COL24A1: variants seen among roughly 807,000 people sequenced by gnomAD.
COL24A1 encodes collagen type XXIV alpha 1 chain, also known as collagen alpha-1(XXIV) chain.
A neutral mutation model predicts 253.9 loss-of-function variants in COL24A1; 224 were observed. The ratio of observed to expected loss-of-function variants is 0.88; its 90% CI spans 0.79 to 0.99. The LOEUF is 0.99. COL24A1 is among the 50% of genes least tolerant of loss of function. The probability of loss-of-function intolerance (pLI) is 0.00; values close to 1 mark genes in which losing one functional copy is unlikely to be tolerated. For missense variants in COL24A1, 2,131 were observed against 2,068.5 expected (o/e 1.03, Z -0.59); for synonymous variants, 685 against 673.7 (o/e 1.02, Z -0.26).
At chr1:86,071,110 A>T (rs111515839) in intron 7 of COL24A1, among the ~76,000 whole-genome samples, 19 of 152,206 alleles carry the variant, frequency 1.2e-4, no homozygotes, top group African/African-American at 4.6e-4. Context: ...TAAGGCATAG[A>T]GTTTTTATCA....
chr1:85,973,684 A>G (rs1692395023), intron 20 of COL24A1, among the ~76,000 whole-genome samples: 1 of 152,182 alleles, frequency 6.6e-6, no homozygotes, highest in African/African-American at 2.4e-5. Context: ...AAAGGGAATG[A>G]GGTCCCCCTA....
chr1:86,081,855 A>T (rs1488661545), intron 7 of COL24A1, among the ~76,000 whole-genome samples: 1 of 152,202 alleles, frequency 6.6e-6, no homozygotes, highest in Non-Finnish European at 1.5e-5. Flanking sequence ...TTGGAACCAG[A>T]CAAAGTAAGG....
intron 7 of COL24A1, among the ~76,000 whole-genome samples, chr1:86,076,555 T>G (rs1272370257): frequency 1.3e-5 from 2 of 152,170 alleles, no homozygotes; most frequent in Non-Finnish European, 2.9e-5. Flanking sequence ...AAATTTCATA[T>G]GGAAACAAAA....
At chr1:86,138,869 G>A (rs546078532) in intron 2 of COL24A1, among the ~76,000 whole-genome samples, 5 of 149,488 alleles carry the variant, frequency 3.3e-5, no homozygotes, top group South Asian at 2.1e-4. Flanking sequence ...ATCTCATCCC[G>A]TCAGAGCCCT....
intron 47 of COL24A1, among the ~76,000 whole-genome samples, chr1:85,805,919 CA>C (rs1243667714): frequency 6.6e-6 from 1 of 151,596 alleles, no homozygotes; most frequent in Non-Finnish European, 1.5e-5. Flanking sequence ...ATTAAAAATA[CA>C]AAAAAATTAG....
At chr1:85,829,440 T>C (rs1674875271) in intron 43 of COL24A1, among the ~76,000 whole-genome samples, 1 of 151,590 alleles carries the variant, frequency 6.6e-6, no homozygotes, top group Non-Finnish European at 1.5e-5. Context: ...TGTGGCGTTC[T>C]CTGTATTTCC....
At chr1:86,148,311 A>C (rs1232746877) in intron 1 of COL24A1, among the ~76,000 whole-genome samples, 1 of 151,880 alleles carries the variant, frequency 6.6e-6, no homozygotes, top group Non-Finnish European at 1.5e-5. Context: ...CAGCCTCCTG[A>C]ATAGCTGGAA....
At chr1:85,903,802 AAT>A (rs1322682903) in intron 28 of COL24A1, among the ~76,000 whole-genome samples, 7 of 152,200 alleles carry the variant, frequency 4.6e-5, no homozygotes, top group Non-Finnish European at 1.0e-4. Context: ...GTGCCTAACT[AAT>A]TAGGCCTAGC....
chr1:86,018,142 G>C (rs1218370623), intron 18 of COL24A1, among the ~76,000 whole-genome samples: 1 of 152,132 alleles, frequency 6.6e-6, no homozygotes, highest in African/African-American at 2.4e-5. Flanking sequence ...GTCATATTAA[G>C]TTTCTATATG....
chr1:86,076,748 T>A (rs1033691209), intron 7 of COL24A1, among the ~76,000 whole-genome samples: 3 of 152,160 alleles, frequency 2.0e-5, no homozygotes, highest in Non-Finnish European at 4.4e-5. Flanking sequence ...GGGGAAAAGA[T>A]TCCCTATTTA....
At chr1:85,898,795 A>G (rs1420173412) in intron 28 of COL24A1, among the ~76,000 whole-genome samples, 2 of 152,226 alleles carry the variant, frequency 1.3e-5, no homozygotes, top group Non-Finnish European at 2.9e-5. Flanking sequence ...GTAGTTAAGT[A>G]TAATGAAGAA....
chr1:86,108,881 G>A (rs891882767), intron 5 of COL24A1, among the ~76,000 whole-genome samples: 1 of 151,826 alleles, frequency 6.6e-6, no homozygotes, highest in Non-Finnish European at 1.5e-5. Context: ...TAAATTACAA[G>A]AGCCTAACTG....
chr1:86,100,480 T>C (rs557748218), intron 5 of COL24A1, among the ~76,000 whole-genome samples: 3 of 152,282 alleles, frequency 2.0e-5, no homozygotes, highest in African/African-American at 4.8e-5. Context: ...AAAATATATA[T>C]ATTTGGTTTT....
intron 5 of COL24A1, among the ~76,000 whole-genome samples, chr1:86,108,974 T>C (rs1462098024): frequency 1.3e-5 from 2 of 152,200 alleles, no homozygotes; most frequent in Admixed American, 1.3e-4. Flanking sequence ...AGAACTACTT[T>C]TGCACCAACC....
chr1:86,022,258 T>C lies in COL24A1; in HGVS notation c.2238A>G (p.Arg746=). The C allele has an allele frequency of 6.2e-7, 1 of 1,613,004 alleles. No homozygotes were observed. Among genetic ancestry groups the C allele is most frequent in the Non-Finnish European group, 8.5e-7 (1 of 1,179,132 alleles). ...AVGLPGPPGM[R]GKSGPSGQTG... Reference sequence around the variant, plus strand: ...AACCTACTGAAGGCCCTGACTTTCCTCTCATCCCTGGTGGTCCTGGTAAAC... The same window carrying C: ...AACCTACTGAAGGCCCTGACTTTCCCCTCATCCCTGGTGGTCCTGGTAAAC... The change falls in exon 18 of 60, where the codon AGA becomes AGG. Residue 746 remains arginine, a synonymous_variant. Transcript: ENST00000370571.
intron 18 of COL24A1, among the ~76,000 whole-genome samples, chr1:86,017,642 G>A (rs914734341): frequency 2.6e-5 from 4 of 152,082 alleles, no homozygotes; most frequent in African/African-American, 9.7e-5. Flanking sequence ...AGACTCACCT[G>A]GATTGAAATC....
intron 12 of COL24A1, among the ~76,000 whole-genome samples, chr1:86,039,495 C>T (rs1477346675): frequency 1.3e-5 from 2 of 152,040 alleles, no homozygotes; most frequent in East Asian, 3.8e-4. Context: ...ACTATATTTA[C>T]AGAATTTTTA....
chr1:86,138,117 T>C (rs1330779197), intron 2 of COL24A1, among the ~76,000 whole-genome samples: 1 of 152,216 alleles, frequency 6.6e-6, no homozygotes, highest in East Asian at 1.9e-4. Flanking sequence ...CTGTTCTTTC[T>C]TGGGACGCTT....
chr1:86,128,305 G>A (rs1357791386), intron 2 of COL24A1, among the ~76,000 whole-genome samples: 1 of 151,914 alleles, frequency 6.6e-6, no homozygotes, highest in African/African-American at 2.4e-5. Flanking sequence ...AGCTATGTTA[G>A]TCTGTGACAT....
Sources: allele counts gnomAD v4.1 joint callset (sites outside exome capture counted in the v4.1 genomes callset), GRCh38; gene constraint gnomAD v4.1.1; transcripts MANE v1.5; gene names NCBI Gene and HGNC (gene_info 2026-07-23, HGNC 2026-07-21).